The following TRAPPC8 variants were observed in gnomAD, a reference collection of about 807,000 sequenced individuals.
The protein encoded by TRAPPC8 is general sporulation gene 1 homolog.
Under a neutral mutation model 174.3 loss-of-function variants are expected in TRAPPC8, and 54 were observed. That is an observed-to-expected ratio of 0.31 (90% CI 0.25 to 0.39). TRAPPC8 has a LOEUF of 0.39. Ranked by LOEUF, TRAPPC8 falls within the 10% of genes least tolerant of loss-of-function variation. The pLI, the probability that TRAPPC8 is intolerant of heterozygous loss-of-function variation, is 1.00. For missense variants in TRAPPC8, 1,531 were observed against 1,699.1 expected (o/e 0.90, Z 1.74); for synonymous variants, 630 against 579.9 (o/e 1.09, Z -1.24).
At position 31,852,655 on chromosome 18, in the gene TRAPPC8, G is replaced by C; in HGVS notation, c.3442C>G (p.Leu1148Val). ...VNLSENKDTKLASREKGKFCF... is the reference protein window; with the variant it reads ...VNLSENKDTKVASREKGKFCF... ...AACTTTCCCTTCTCCCTACTGGCAA[G>C]TTTGGTATCTAGGAAGAAAAAGGGA... The change falls in exon 23 of 29, where the codon CTT becomes GTT. Residue 1148 changes from leucine (L) to valine (V), a missense_variant. By Grantham distance (32) the Leu-to-Val change is conservative. Transcript: ENST00000283351. 6.2e-7 allele frequency: 1 copy of C among 1,613,666 alleles called. No individual in the cohort carries two copies. Among genetic ancestry groups the C allele is most frequent in the Non-Finnish European group, 8.5e-7 (1 of 1,179,866 alleles).
chr18:31,874,983 C>T (rs530995272), intron 12 of TRAPPC8, among the ~76,000 whole-genome samples: 7 of 152,128 alleles, frequency 4.6e-5, no homozygotes, highest in South Asian at 2.1e-4. Flanking sequence ...GACATTTACC[C>T]ACTACTTCTC....
chr18:31,874,616 G>A lies in TRAPPC8; in HGVS notation c.1817C>T (p.Thr606Ile). ...WSLAEDHINF[T>I]IGRQSYTLRQ... ...AAGAGTATAGGACTGGCGCCCAATA[G>A]TGAAATTAATGTGATCCTCTGCAAG... Residue 606 changes from threonine (T) to isoleucine (I), a missense_variant, in exon 13 of 29, where the codon ACT (threonine) becomes ATT (isoleucine). Thr to Ile is a moderately conservative substitution (Grantham distance 89, BLOSUM62 -1). Transcript: ENST00000283351. The A allele has an allele frequency of 1.2e-6, 2 of 1,614,112 alleles. No individual in the cohort carries two copies. The highest frequency in any genetic ancestry group is 1.1e-5 in the South Asian group (1 of 91,084).
chr18:31,846,214 AT>A (rs1476449914), intron 26 of TRAPPC8, among the ~76,000 whole-genome samples: 4 of 152,192 alleles, frequency 2.6e-5, no homozygotes, highest in Non-Finnish European at 4.4e-5. Flanking sequence ...TTTAAAATCA[AT>A]TTATGTTCAC....
chr18:31,942,257 T>C (rs559206138), intron 1 of TRAPPC8, among the ~76,000 whole-genome samples: 6 of 152,218 alleles, frequency 3.9e-5, no homozygotes, highest in Non-Finnish European at 8.8e-5. Context: ...AGCATTTTCC[T>C]ACCTTAGCTG....
intron 19 of TRAPPC8, among the ~76,000 whole-genome samples, chr18:31,859,065 C>T (rs529473666): frequency 6.6e-6 from 1 of 152,078 alleles, no homozygotes; most frequent in South Asian, 2.1e-4. Context: ...TGCACTCCAG[C>T]CTGGGTGACA....
chr18:31,936,673 G>A (rs907916717), intron 1 of TRAPPC8, among the ~76,000 whole-genome samples: 2 of 151,986 alleles, frequency 1.3e-5, no homozygotes, highest in Admixed American at 6.6e-5. Context: ...GGCCGAAGGC[G>A]GGTGGATCAC....
intron 12 of TRAPPC8, 29 bp from the exon 13 acceptor site, chr18:31,874,733 T>G (rs991444972): frequency 6.3e-7 from 1 of 1,579,464 alleles, no homozygotes; most frequent in Non-Finnish European, 8.6e-7. Flanking sequence ...AATAATGTAT[T>G]ATACTCCAAA....
intron 9 of TRAPPC8, among the ~76,000 whole-genome samples, chr18:31,905,519 T>A (rs923310287): frequency 2.0e-5 from 3 of 152,178 alleles, no homozygotes; most frequent in African/African-American, 4.8e-5. Context: ...TTCTTGCTCA[T>A]CCCCATCTCT....
chr18:31,868,121 G>A (rs992885556), intron 16 of TRAPPC8, among the ~76,000 whole-genome samples: 1 of 152,066 alleles, frequency 6.6e-6, no homozygotes, highest in African/African-American at 2.4e-5. Flanking sequence ...GGAGAGAAGG[G>A]AAAAAGGCCT....
chr18:31,927,344 C>A (rs1192911286), intron 2 of TRAPPC8, among the ~76,000 whole-genome samples: 1 of 151,938 alleles, frequency 6.6e-6, no homozygotes, highest in Non-Finnish European at 1.5e-5. Flanking sequence ...CTGACTGCAA[C>A]CTCTGCCTCC....
intron 2 of TRAPPC8, among the ~76,000 whole-genome samples, chr18:31,930,213 G>A (rs765849432): frequency 2.4e-4 from 36 of 151,814 alleles, no homozygotes; most frequent in Middle Eastern, 6.8e-3. Context: ...TCTGCCTCCC[G>A]GGTTCAAGCG....
intron 26 of TRAPPC8, among the ~76,000 whole-genome samples, chr18:31,843,060 A>C (rs1411391789): frequency 1.3e-5 from 2 of 152,020 alleles, no homozygotes; most frequent in Non-Finnish European, 2.9e-5. Flanking sequence ...CAAAATAGTA[A>C]GATAAAAAGT....
At chr18:31,899,448 C>T (rs569515487) in intron 10 of TRAPPC8, among the ~76,000 whole-genome samples, 22 of 152,140 alleles carry the variant, frequency 1.4e-4, no homozygotes, top group Non-Finnish European at 2.6e-4. Flanking sequence ...GTTACCATTA[C>T]GATGACTACT....
intron 1 of TRAPPC8, among the ~76,000 whole-genome samples, chr18:31,936,745 C>T (rs2038115655): frequency 1.3e-5 from 2 of 150,680 alleles, no homozygotes; most frequent in African/African-American, 4.9e-5. Context: ...CTACTAACAA[C>T]ACGAAAATTA....
chr18:31,863,851 G>C (rs1301485500), intron 19 of TRAPPC8, among the ~76,000 whole-genome samples: 1 of 151,924 alleles, frequency 6.6e-6, no homozygotes, highest in Non-Finnish European at 1.5e-5. Flanking sequence ...GTGGCTCAAA[G>C]ACTGAAAATT....
intron 4 of TRAPPC8, 46 bp from the exon 5 acceptor site, chr18:31,913,568 C>A (rs1205914238): frequency 1.4e-6 from 2 of 1,477,196 alleles, no homozygotes; most frequent in Non-Finnish European, 1.8e-6. Context: ...GAGGAGCAGG[C>A]CTTAGGCAAT....
At chr18:31,871,145 G>T (rs374777270) in intron 14 of TRAPPC8, 25 bp from the exon 15 acceptor site, 10 of 1,414,478 alleles carry the variant, frequency 7.1e-6, no homozygotes, top group Non-Finnish European at 7.6e-6. Flanking sequence ...TTAACAACAC[G>T]TTTATGAAGA....
chr18:31,871,169 A>G, intron 14 of TRAPPC8, 49 bp from the exon 15 acceptor site: 1 of 1,149,584 alleles, frequency 8.7e-7, no homozygotes, highest in South Asian at 1.9e-5. Flanking sequence ...GCCCTCAAAT[A>G]AAACATATTT....
chr18:31,864,693 T>C lies in TRAPPC8; in HGVS notation c.2679A>G (p.Thr893=). ...PRLNNTKEEK[T]SVKYGPDRRL... is the part of the protein sequence containing the mutation. Reference sequence around the variant, plus strand: ...GTCGATCAGGGCCATATTTAACAGATGTTTTCTCTTCTTTTGTGTTGTTAA... The same window carrying C: ...GTCGATCAGGGCCATATTTAACAGACGTTTTCTCTTCTTTTGTGTTGTTAA... Residue 893 remains threonine (T), a synonymous_variant, in exon 19 of 29, where the codon ACA becomes ACG. Coordinates refer to ENST00000283351, the MANE Select transcript of TRAPPC8 (RefSeq NM_014939.5). 1.2e-6 allele frequency: 2 copies of C among 1,613,306 alleles called. No homozygotes were observed. The highest frequency in any genetic ancestry group is 1.7e-6 in the Non-Finnish European group (2 of 1,179,558).
Sources: gnomAD v4.1 joint callset for allele counts (sites outside exome capture counted in the v4.1 genomes callset) on GRCh38, gnomAD v4.1.1 for gene constraint, MANE v1.5 for transcripts, NCBI Gene and HGNC (gene_info 2026-07-23, HGNC 2026-07-21) for gene names.